Variants in CSF1R observed in about 807,000 individuals in gnomAD.
The protein encoded by CSF1R is macrophage colony-stimulating factor 1 receptor.
CSF1R carries 40 observed loss-of-function variants against 110.0 expected under a neutral mutation model. The observed-to-expected ratio is 0.36, with a 90% CI of 0.28 to 0.47. CSF1R has a LOEUF of 0.47. CSF1R is among the 20% of genes least tolerant of loss of function. The pLI is 0.99. For missense variants in CSF1R, 1,052 were observed against 1,253.0 expected (o/e 0.84, Z 2.42); for synonymous variants, 523 against 503.4 (o/e 1.04, Z -0.52).
chr5:150,054,993 C>CAAAAAAA (rs11342950), intron 19 of CSF1R, among the ~76,000 whole-genome samples: 2 of 74,776 alleles, frequency 2.7e-5, no homozygotes, highest in African/African-American at 8.6e-5. Flanking sequence ...GATGCTGTCT[C>CAAAAAAA]AAAAAAAAAA....
At chr5:150,092,805 T>C (rs1759089878) in intron 1 of CSF1R, among the ~76,000 whole-genome samples, 1 of 152,178 alleles carries the variant, frequency 6.6e-6, no homozygotes, top group African/African-American at 2.4e-5. Context: ...AGCCAAACCA[T>C]ATCACCTACA....
At chr5:150,079,027 C>A (rs1010518842) in intron 3 of CSF1R, among the ~76,000 whole-genome samples, 1 of 152,224 alleles carries the variant, frequency 6.6e-6, no homozygotes, top group Admixed American at 6.5e-5. Flanking sequence ...ATGCCTGATG[C>A]ACAGTAGGCC....
At chr5:150,110,147 C>T (rs184398696) in intron 1 of CSF1R, among the ~76,000 whole-genome samples, 1 of 152,298 alleles carries the variant, frequency 6.6e-6, no homozygotes, top group Admixed American at 6.5e-5. Context: ...TGTTCGTATC[C>T]ACCTTTCCCA....
Position 150,081,108 on chromosome 5 carries a change from T to C in CSF1R, c.50-84A>G. The C allele has an allele frequency of 2.7e-6, 4 of 1,498,580 alleles. No homozygotes were observed. In the South Asian group the frequency reaches 5.0e-5, roughly 19 times the overall value. 92.8% of individuals were successfully genotyped at this position (1,498,580 alleles called of 1,614,324 possible). On this transcript the variant is annotated intron_variant, in intron 1 of 20. Coordinates refer to ENST00000675795, the MANE Select transcript of CSF1R (RefSeq NM_001288705.3). ...TCCTGACTCTGAGATGGGTGGTAGC[T>C]TGGCAGGGATGGTGCTGTGCCATCA...
chr5:150,080,334 G>T lies in CSF1R; in HGVS notation c.310C>A (p.Pro104Thr). ...GCTAGCACGTTCCAGGGCCGGGCAG[G>T]GTCTAGAGTAGAGGAGGGCACAGGG... is the stretch of plus-strand genomic sequence containing the variant. ...SAAIHLYVKDPARPWNVLAQE... is the reference protein window; with the variant it reads ...SAAIHLYVKDTARPWNVLAQE... The change falls in exon 3 of 21, where the codon CCT (proline) becomes ACT (threonine). Residue 104 changes from proline (P) to threonine (T), a missense_variant and splice_region_variant. By Grantham distance (38) the Pro-to-Thr change is conservative. This residue lies in a region of CSF1R where 693 missense variants were observed against 735.4 expected (regional missense o/e 0.94). Coordinates refer to ENST00000675795, the MANE Select transcript of CSF1R (RefSeq NM_001288705.3). 6.2e-7 allele frequency: 1 copy of T among 1,612,388 alleles called. No individual in the cohort carries two copies. Among genetic ancestry groups the T allele is most frequent in the Non-Finnish European group, 8.5e-7 (1 of 1,179,192 alleles).
chr5:150,055,230 C>A lies in CSF1R; in HGVS notation c.2654+7G>T. 3 of 1,613,164 alleles carry A rather than the reference C, an allele frequency of 1.9e-6. No homozygotes were observed. The highest frequency in any genetic ancestry group is 2.5e-6 in the Non-Finnish European group (3 of 1,179,136). On this transcript the variant is annotated splice_region_variant and intron_variant, in intron 19 of 20. Coordinates refer to ENST00000675795, the MANE Select transcript of CSF1R (RefSeq NM_001288705.3). ...TCCTTTTCCCTCCCTGGGATCCCTT[C>A]GCTTACATATTCTTTGGGGCAAATG...
rs761462650 is a variant in CSF1R at position 150,054,165 on chromosome 5, C to G, written c.2823G>C (p.Glu941Asp). ...GCTCACTAGAGCTCTCCTCCTCCAG[C>G]TCACTGCTGCTGCTGCCGCTGCCAC... is the stretch of plus-strand genomic sequence containing the variant. ...RSGGSGSSSS[E>D]LEEESSSEHL... The change falls in exon 21 of 21, where the codon GAG (glutamate) becomes GAC (aspartate). Residue 941 changes from glutamate (E) to aspartate (D), a missense_variant. Around this residue, in one of 5 missense-constraint regions of CSF1R, gnomAD observed 85 missense variants for 78.8 expected, o/e 1.08. Coordinates refer to ENST00000675795, the MANE Select transcript of CSF1R (RefSeq NM_001288705.3). 1 of 1,613,152 alleles carries G rather than the reference C, an allele frequency of 6.2e-7. No individual in the cohort carries two copies. Among genetic ancestry groups the G allele is most frequent in the Non-Finnish European group, 8.5e-7 (1 of 1,179,644 alleles).
At chr5:150,105,113 C>T (rs1167184993) in intron 1 of CSF1R, among the ~76,000 whole-genome samples, 1 of 151,494 alleles carries the variant, frequency 6.6e-6, no homozygotes, top group Non-Finnish European at 1.5e-5. Flanking sequence ...CTTTGGGAGG[C>T]CCAGGCAGGT....
intron 10 of CSF1R, among the ~76,000 whole-genome samples, chr5:150,065,412 G>C (rs1215286414): frequency 1.3e-5 from 2 of 152,188 alleles, no homozygotes; most frequent in South Asian, 2.1e-4. Flanking sequence ...TCCTCCAGGG[G>C]AGCCTGCTGA....
At chr5:150,059,976 TC>T in intron 13 of CSF1R, 114 bp from the exon 14 acceptor site, 1 of 1,196,840 alleles carries the variant, frequency 8.4e-7, no homozygotes, top group South Asian at 1.6e-5. Context: ...ATAGCTGAGT[TC>T]TAACCTCGGC....
intron 1 of CSF1R, among the ~76,000 whole-genome samples, chr5:150,085,461 C>T (rs1215742105): frequency 1.3e-5 from 2 of 151,970 alleles, no homozygotes; most frequent in East Asian, 3.9e-4. Flanking sequence ...CCCCAAGGTC[C>T]CTTTGAATAA....
chr5:150,073,339 C>A lies in CSF1R; in HGVS notation c.1044G>T (p.Glu348Asp). ...YLGPFSDHQP[E>D]PKLANATTKD... The stretch of plus-strand genomic sequence containing the variant: ...TGGTGGTAGCATTAGCAAGCTTGGG[C>A]TCAGGCTGGTGGTCAGAAAAGGGTC... Residue 348 changes from glutamate (E) to aspartate (D), a missense_variant, in exon 6 of 21, where the codon GAG becomes GAT. By Grantham distance (45) the Glu-to-Asp change is conservative. Around this residue, in one of 5 missense-constraint regions of CSF1R, gnomAD observed 693 missense variants for 735.4 expected, o/e 0.94. Transcript: ENST00000675795. 5.6e-6 allele frequency: 9 copies of A among 1,613,968 alleles called. No individual in the cohort carries two copies. Among genetic ancestry groups the A allele is most frequent in the Non-Finnish European group, 5.9e-6 (7 of 1,179,978 alleles).
At chr5:150,110,176 C>T (rs755120091) in intron 1 of CSF1R, among the ~76,000 whole-genome samples, 1 of 152,190 alleles carries the variant, frequency 6.6e-6, no homozygotes, top group Non-Finnish European at 1.5e-5. Context: ...CTCACCCCGG[C>T]ACTCCAGCTC....
At chr5:150,083,143 G>A (rs144085696) in intron 1 of CSF1R, among the ~76,000 whole-genome samples, 5 of 152,100 alleles carry the variant, frequency 3.3e-5, no homozygotes, top group South Asian at 4.2e-4. Flanking sequence ...GAAGGAAGCC[G>A]GCTTGGCCCC....
intron 10 of CSF1R, among the ~76,000 whole-genome samples, chr5:150,065,909 C>G (rs72832140): frequency 1.3e-5 from 2 of 152,318 alleles, no homozygotes; most frequent in Non-Finnish European, 2.9e-5. Flanking sequence ...CCGCAGGGGG[C>G]CCTAGGCTCT....
At chr5:150,056,746 A>G (rs953387603) in intron 16 of CSF1R, among the ~76,000 whole-genome samples, 6 of 152,044 alleles carry the variant, frequency 3.9e-5, no homozygotes, top group East Asian at 1.9e-4. Flanking sequence ...CTTTTCAACA[A>G]TCGTTATGCC....
intron 1 of CSF1R, among the ~76,000 whole-genome samples, chr5:150,109,991 A>G (rs991237646): frequency 6.6e-6 from 1 of 152,172 alleles, no homozygotes; most frequent in Admixed American, 6.5e-5. Flanking sequence ...TCCATTTTAA[A>G]GTTTAACTTC....
At chr5:150,101,488 G>A (rs1183120700) in intron 1 of CSF1R, among the ~76,000 whole-genome samples, 1 of 152,190 alleles carries the variant, frequency 6.6e-6, no homozygotes, top group Non-Finnish European at 1.5e-5. Flanking sequence ...GGCCTGGGAA[G>A]GTTGGATTTT....
At chr5:150,104,939 C>T (rs1203357186) in intron 1 of CSF1R, among the ~76,000 whole-genome samples, 11 of 150,858 alleles carry the variant, frequency 7.3e-5, no homozygotes, top group African/African-American at 1.2e-4. Flanking sequence ...AGTGCAGTGG[C>T]GTGATCTCAG....
Sources: gnomAD v4.1 joint callset for allele counts (sites outside exome capture counted in the v4.1 genomes callset) on GRCh38, gnomAD v4.1.1 for gene constraint, gnomAD v4.1.1 regional missense constraint, MANE v1.5 for transcripts, NCBI Gene and HGNC (gene_info 2026-07-23, HGNC 2026-07-21) for gene names.